The following BMP4 variants were observed in gnomAD, a reference collection of about 807,000 sequenced individuals.
The protein encoded by BMP4 is bone morphogenetic protein 4.
BMP4 carries 3 observed loss-of-function variants against 29.6 expected under a neutral mutation model. The ratio of observed to expected loss-of-function variants is 0.10; its 90% CI spans 0.05 to 0.26. The LOEUF is 0.26. Among genes scored for constraint, BMP4 ranks in the 10% least tolerant of loss-of-function variants. The pLI, the probability that BMP4 is intolerant of heterozygous loss-of-function variation, is 1.00. For synonymous variants in BMP4, 197 were observed against 213.2 expected (o/e 0.92, Z 0.66); for missense variants, 455 against 550.2 (o/e 0.83, Z 1.73).
chr14:53,950,521 G>T lies in BMP4; in HGVS notation c.738C>A (p.Thr246=), dbSNP rs780752375. 6.2e-7 allele frequency: 1 copy of T among 1,614,234 alleles called. No homozygotes were observed. Among genetic ancestry groups the T allele is most frequent in the African/African-American group, 1.3e-5 (1 of 75,072 alleles). ...TAATCCTGACATGCTGGCCCTGGTGGGTCCGAGTCTGATGGAGGTGAGTCA... is the reference window on the plus strand; with the variant it reads ...TAATCCTGACATGCTGGCCCTGGTGTGTCCGAGTCTGATGGAGGTGAGTCA... The part of the protein sequence containing the change: ...IEVTHLHQTR[T]HQGQHVRISR... Residue 246 remains threonine, a synonymous_variant, in exon 4 of 4, where the codon ACC becomes ACA. Transcript: ENST00000245451. This position sits in a 1 kb window ranked among gnomAD's most constrained non-coding sequence, Gnocchi z 5.4.
Position 53,951,918 on chromosome 14 carries a change from G to A in BMP4, c.305C>T (p.Thr102Ile), listed in dbSNP as rs371239780. Residue 102 changes from threonine to isoleucine, a missense_variant, in exon 3 of 4, where the codon ACT (threonine) becomes ATT (isoleucine). Thr to Ile is a moderately conservative substitution (Grantham distance 89). Around this residue, in one of 4 missense-constraint regions of BMP4, gnomAD observed 249 missense variants for 284.6 expected, o/e 0.87. Transcript: ENST00000245451. ...CGGGCGCTCAGGATACTCAAGACCAGTGCTGTGGATCTGCTCTTCCTCCTC... is the reference window on the plus strand; with the variant it reads ...CGGGCGCTCAGGATACTCAAGACCAATGCTGTGGATCTGCTCTTCCTCCTC... The part of the protein sequence containing the change: ...GEEEEEQIHS[T>I]GLEYPERPAS... 2.7e-5 allele frequency: 44 copies of A among 1,604,234 alleles called. No individual in the cohort carries two copies. The highest frequency in any genetic ancestry group is 2.0e-4 in the East Asian group (9 of 44,878).
chr14:53,953,038 TC>T (rs1430746517), intron 2 of BMP4, among the ~76,000 whole-genome samples: 1 of 152,060 alleles, frequency 6.6e-6, no homozygotes, highest in African/African-American at 2.4e-5. Flanking sequence ...TCTCTTTAGC[TC>T]CCTCGCGCTC....
At chr14:53,952,335 G>T in intron 2 of BMP4, 106 bp from the exon 3 acceptor site, 1 of 1,361,668 alleles carries the variant, frequency 7.3e-7, no homozygotes, top group Non-Finnish European at 1.0e-6. Flanking sequence ...AAATGGAGGG[G>T]CAAGATGGAA....
chr14:53,951,755 C>T, intron 3 of BMP4, 98 bp downstream of exon 3: 1 of 1,516,696 alleles, frequency 6.6e-7, no homozygotes. Flanking sequence ...TGGACTGGGG[C>T]TTTGATGTAA....
In BMP4 at chr14:53,950,843, C is replaced by T. The variant is rs773804981; in HGVS notation, c.416G>A (p.Arg139His). 137 of 1,608,342 alleles carry T rather than the reference C, an allele frequency of 8.5e-5. No individual in the cohort carries two copies. Among genetic ancestry groups the T allele is most frequent in the Middle Eastern group, 1.6e-4 (1 of 6,084 alleles). ...GATGCTGCTGAGGTTAAAGAGGAAA[C>T]GAAAAGCAGAGTTTTCACTGGTCCC... ...IPGTSENSAF[R>H]FLFNLSSIPE... Residue 139 changes from arginine (R) to histidine (H), a missense_variant, in exon 4 of 4, where the codon CGT (arginine) becomes CAT (histidine). By Grantham distance (29) the Arg-to-His change is conservative (BLOSUM62 0). Transcript: ENST00000245451. The surrounding 1 kb of genome is among the most constrained non-coding windows in gnomAD (Gnocchi z 5.4).
At position 53,950,166 on chromosome 14, in the gene BMP4, T is replaced by C. The variant is rs1895300264; in HGVS notation, c.1093A>G (p.Asn365Asp). 6.2e-7 allele frequency: 1 copy of C among 1,614,212 alleles called. No individual in the cohort carries two copies. Among genetic ancestry groups the C allele is most frequent in the Admixed American group, 1.7e-5 (1 of 60,028 alleles). Residue 365 changes from asparagine to aspartate, a missense_variant, in exon 4 of 4, where the codon AAT becomes GAT. By Grantham distance (23) the Asn-to-Asp change is conservative. Around this residue, in one of 4 missense-constraint regions of BMP4, gnomAD observed 48 missense variants for 90.4 expected, o/e 0.53. Coordinates refer to ENST00000245451, the MANE Select transcript of BMP4 (RefSeq NM_001202.6). The surrounding 1 kb of genome is among the most constrained non-coding windows in gnomAD (Gnocchi z 5.4). Reference sequence around the variant, plus strand: ...CAACAGGCTTTGGGGATACTGGAATTGACAGAATTGACCAGGGTCTGCACA... The same window carrying C: ...CAACAGGCTTTGGGGATACTGGAATCGACAGAATTGACCAGGGTCTGCACA... ...AIVQTLVNSV[N>D]SSIPKACCVP... is the part of the protein sequence containing the mutation.
At position 53,952,241 on chromosome 14, in the gene BMP4, G is replaced by A; in HGVS notation, c.-7-12C>T. On this transcript the variant is annotated splice_polypyrimidine_tract_variant and intron_variant, in intron 2 of 3. Coordinates refer to ENST00000245451, the MANE Select transcript of BMP4 (RefSeq NM_001202.6). Reference sequence around the variant, plus strand: ...GAATCATGGTGTCTCTGGGGAGGGGGAGGGGAGTGGAAGGTTAAAGAATAA... The same window carrying A: ...GAATCATGGTGTCTCTGGGGAGGGGAAGGGGAGTGGAAGGTTAAAGAATAA... 6.2e-7 allele frequency: 1 copy of A among 1,613,190 alleles called. No homozygotes were observed.
At position 53,950,946 on chromosome 14, in the gene BMP4, T is replaced by G. The variant is rs766844141; in HGVS notation, c.371-58A>C. The G allele has an allele frequency of 1.5e-4, 247 of 1,593,834 alleles. No homozygotes were observed. The highest frequency in any genetic ancestry group is 2.1e-4 in the Non-Finnish European group (243 of 1,176,434). ...AAAGCATATGAACTTTTTTCAAAGA[T>G]GGAAGAGTCAAGAGATAGCTCAGGG... is the stretch of plus-strand genomic sequence containing the variant. On this transcript the variant is annotated intron_variant, in intron 3 of 3. Coordinates refer to ENST00000245451, the MANE Select transcript of BMP4 (RefSeq NM_001202.6). The surrounding 1 kb of genome is among the most constrained non-coding windows in gnomAD (Gnocchi z 5.4).
In BMP4 at chr14:53,951,853, C is replaced by T. The variant is rs976229577; in HGVS notation, c.370G>A (p.Glu124Lys). 1.3e-6 allele frequency: 2 copies of T among 1,599,208 alleles called. No individual in the cohort carries two copies. The highest frequency in any genetic ancestry group is 1.7e-6 in the Non-Finnish European group (2 of 1,179,952). ...ACGCAGACTGGGGGAAGAGACTGAC[C>T]TTCGTGGTGGAAGCTCCTCACGGTG... ...ANTVRSFHHE[E>K]HLENIPGTSE... Residue 124 changes from glutamate to lysine, a missense_variant and splice_region_variant, in exon 3 of 4, where the codon GAA (glutamate) becomes AAA (lysine). Coordinates refer to ENST00000245451, the MANE Select transcript of BMP4 (RefSeq NM_001202.6).
Position 53,955,268 on chromosome 14 carries a change from G to T in BMP4, c.-133+1282C>A, listed in dbSNP as rs961031214. Among the ~76,000 whole-genome samples the T allele has an allele frequency of 1.3e-5, 2 of 151,604 alleles. No individual in the cohort carries two copies. Among genetic ancestry groups the T allele is most frequent in the Non-Finnish European group, 2.9e-5 (2 of 67,960 alleles). ...GTGCCCGCGGGGCAAAGGGACAGTA[G>T]AAGGGGCGGGCGCCCGGGTTCCCCG... is the stretch of plus-strand genomic sequence containing the variant. On this transcript the variant is annotated intron_variant, in intron 1 of 3. Transcript: ENST00000245451. The surrounding 1 kb of genome is among the most constrained non-coding windows in gnomAD (Gnocchi z 4.0).
chr14:53,953,645 G>T (rs991940028), intron 1 of BMP4, among the ~76,000 whole-genome samples: 22 of 151,770 alleles, frequency 1.4e-4, no homozygotes, highest in African/African-American at 4.8e-4. Flanking sequence ...GCTCGGCAGA[G>T]CCCTCGGCCG....
upstream of BMP4, chr14:53,956,874 T>G: frequency 3.5e-5 from 13 of 366,250 alleles, no homozygotes; most frequent in Non-Finnish European, 4.4e-5. Flanking sequence ...CCTCCTCCTC[T>G]TCCCCGGCGG....
At position 53,950,006 on chromosome 14, in the gene BMP4, T is replaced by G. The variant is rs200593196; in HGVS notation, c.*26A>C. On this transcript the variant is annotated 3_prime_UTR_variant, in exon 4 of 4. Transcript: ENST00000245451. The surrounding 1 kb of genome is among the most constrained non-coding windows in gnomAD (Gnocchi z 5.4). ...GGTGTGTGTGTGTGGTGTGTATATC[T>G]GTCTATCCTCAAGGACTGCCTGATC... 158 of 1,613,320 alleles carry G rather than the reference T, an allele frequency of 9.8e-5. No individual in the cohort carries two copies. Among genetic ancestry groups the G allele is most frequent in the Non-Finnish European group, 1.6e-5 (19 of 1,179,796 alleles).
At position 53,951,857 on chromosome 14, in the gene BMP4, G is replaced by A. The variant is rs751266792; in HGVS notation, c.366C>T (p.His122=). Residue 122 remains histidine (H), a synonymous_variant, in exon 3 of 4, where the codon CAC becomes CAT. Coordinates refer to ENST00000245451, the MANE Select transcript of BMP4 (RefSeq NM_001202.6). Reference sequence around the variant, plus strand: ...AGACTGGGGGAAGAGACTGACCTTCGTGGTGGAAGCTCCTCACGGTGTTGG... The same window carrying A: ...AGACTGGGGGAAGAGACTGACCTTCATGGTGGAAGCTCCTCACGGTGTTGG... ...SRANTVRSFH[H]EEHLENIPGT... 10 of 1,599,372 alleles carry A rather than the reference G, an allele frequency of 6.3e-6. No homozygotes were observed. The highest frequency in any genetic ancestry group is 2.2e-5 in the East Asian group (1 of 44,868).
Position 53,950,681 on chromosome 14 carries a change from C to T in BMP4, c.578G>A (p.Gly193Glu), listed in dbSNP as rs147822607. 1 of 1,614,246 alleles carries T rather than the reference C, an allele frequency of 6.2e-7. No homozygotes were observed. Residue 193 changes from glycine (G) to glutamate (E), a missense_variant, in exon 4 of 4, where the codon GGG becomes GAG. Gly to Glu is a moderately conservative substitution (Grantham distance 98). Transcript: ENST00000245451. The surrounding 1 kb of genome is among the most constrained non-coding windows in gnomAD (Gnocchi z 5.4). ...GTCCAGTAGTCGTGTGATGAGGTGC[C>T]CAGGCACCACTTCTGCTGGGGGCTT... ...VMKPPAEVVP[G>E]HLITRLLDTR...
In BMP4 at chr14:53,955,750, C is replaced by T. The variant is rs1463969775; in HGVS notation, c.-133+800G>A. ...GACTCGGGAATCACGGGAACCTTTCCCGTCGGTTCCGGGCCTGGAGGGCCA... is the reference window on the plus strand; with the variant it reads ...GACTCGGGAATCACGGGAACCTTTCTCGTCGGTTCCGGGCCTGGAGGGCCA... On this transcript the variant is annotated intron_variant, in intron 1 of 3. Transcript: ENST00000245451. This position sits in a 1 kb window ranked among gnomAD's most constrained non-coding sequence, Gnocchi z 4.0. The T allele has an allele frequency of 6.6e-6, 1 of 152,210 alleles. No individual in the cohort carries two copies. Among genetic ancestry groups the T allele is most frequent in the African/African-American group, 2.4e-5 (1 of 41,432 alleles). The allele number at this position is 152,210 out of a possible 1,614,324, so 9.4% of individuals were successfully genotyped here.
Position 53,949,992 on chromosome 14 carries a change from G to A in BMP4, c.*40C>T. The A allele has an allele frequency of 2.5e-6, 4 of 1,610,392 alleles. No homozygotes were observed. Among genetic ancestry groups the A allele is most frequent in the Non-Finnish European group, 2.5e-6 (3 of 1,177,874 alleles). ...TGTGTGGTGTATGTGGTGTGTGTGT[G>A]TGGTGTGTATATCTGTCTATCCTCA... On this transcript the variant is annotated 3_prime_UTR_variant, in exon 4 of 4. Coordinates refer to ENST00000245451, the MANE Select transcript of BMP4 (RefSeq NM_001202.6).
At chr14:53,951,043 T>C (rs1274081005) in intron 3 of BMP4, among the ~76,000 whole-genome samples, 155 bp from the exon 4 acceptor site, 1 of 152,184 alleles carries the variant, frequency 6.6e-6, no homozygotes, top group Non-Finnish European at 1.5e-5. Flanking sequence ...ACCCCTTAAT[T>C]TGAAGGAGCA....
chr14:53,950,967 CA>C lies in BMP4; in HGVS notation c.371-80del. ...AAGATGGAAGAGTCAAGAGATAGCT[CA>C]GGGTTGGGCAATGAATGGTGAATTC... is the stretch of plus-strand genomic sequence containing the variant. On this transcript the variant is annotated intron_variant, in intron 3 of 3. Coordinates refer to ENST00000245451, the MANE Select transcript of BMP4 (RefSeq NM_001202.6). This position sits in a 1 kb window ranked among gnomAD's most constrained non-coding sequence, Gnocchi z 5.4. 6.4e-7 allele frequency: 1 copy of C among 1,569,958 alleles called. No homozygotes were observed. Among genetic ancestry groups the C allele is most frequent in the Non-Finnish European group, 8.7e-7 (1 of 1,155,836 alleles).
Sources: gnomAD v4.1 joint callset for allele counts (sites outside exome capture counted in the v4.1 genomes callset) on GRCh38, gnomAD v4.1.1 for gene constraint, gnomAD v4.1.1 regional missense constraint, Gnocchi (gnomAD v3.1) non-coding constraint, MANE v1.5 for transcripts, NCBI Gene and HGNC (gene_info 2026-07-23, HGNC 2026-07-21) for gene names.